Variants in GRIA4 observed in about 807,000 individuals in gnomAD.
The protein encoded by GRIA4 is glutamate ionotropic receptor AMPA type subunit 4.
GRIA4 carries 34 observed loss-of-function variants against 104.0 expected under a neutral mutation model. That is an observed-to-expected ratio of 0.33 (90% CI 0.25 to 0.44). The LOEUF is 0.44. GRIA4 is among the 20% of genes least tolerant of loss of function. The pLI is 1.00. For missense variants in GRIA4, 750 were observed against 1,096.5 expected (o/e 0.68, Z 4.46); for synonymous variants, 386 against 381.9 (o/e 1.01, Z -0.13).
intron 14 of GRIA4, chr11:105,965,852 G>A (rs377262269): frequency 1.6e-5 from 14 of 875,292 alleles, no homozygotes; most frequent in African/African-American, 1.2e-4. Flanking sequence ...TTTATTTAGC[G>A]TCTGGGAGAA....
intron 4 of GRIA4, among the ~76,000 whole-genome samples, chr11:105,781,197 C>A (rs1174751600): frequency 2.0e-5 from 3 of 152,164 alleles, no homozygotes; most frequent in African/African-American, 7.2e-5. Flanking sequence ...TGCCACAAAA[C>A]CCTTTGAAAA....
chr11:105,638,662 T>C (rs1951275508), intron 3 of GRIA4, among the ~76,000 whole-genome samples: 1 of 152,112 alleles, frequency 6.6e-6, no homozygotes, highest in Admixed American at 6.6e-5. Context: ...AAAATCACTA[T>C]TCTCCATTTA....
intron 4 of GRIA4, among the ~76,000 whole-genome samples, chr11:105,804,356 A>G (rs953405200): frequency 2.0e-5 from 3 of 147,246 alleles, no homozygotes; most frequent in Admixed American, 1.4e-4. Flanking sequence ...ACACACATGC[A>G]CACACACACA....
chr11:105,966,948 C>G (rs1240425260), intron 14 of GRIA4, among the ~76,000 whole-genome samples: 1 of 152,110 alleles, frequency 6.6e-6, no homozygotes, highest in Non-Finnish European at 1.5e-5. Context: ...ATTCTAGGCA[C>G]TGTCTTAAGG....
intron 4 of GRIA4, among the ~76,000 whole-genome samples, chr11:105,824,194 A>G (rs960044660): frequency 2.6e-5 from 4 of 152,066 alleles, no homozygotes; most frequent in African/African-American, 7.2e-5. Flanking sequence ...GTAGGCATAT[A>G]GTTTTAAAAG....
intron 3 of GRIA4, among the ~76,000 whole-genome samples, chr11:105,730,407 T>C (rs987382073): frequency 6.6e-6 from 1 of 152,206 alleles, no homozygotes; most frequent in African/African-American, 2.4e-5. Context: ...AAACATTCCA[T>C]GCTCATGGAT....
intron 4 of GRIA4, among the ~76,000 whole-genome samples, chr11:105,841,835 C>T (rs1055842204): frequency 1.2e-4 from 19 of 152,120 alleles, no homozygotes; most frequent in African/African-American, 4.6e-4. Flanking sequence ...TTATTCTCCC[C>T]ATAAGAAGCT....
intron 7 of GRIA4, among the ~76,000 whole-genome samples, chr11:105,902,434 G>A (rs1591423236): frequency 2.0e-5 from 3 of 151,558 alleles, no homozygotes; most frequent in South Asian, 4.2e-4. Context: ...GGGCTCAAGC[G>A]ATCCTCCTCC....
At position 105,910,511 on chromosome 11, in the gene GRIA4, T is replaced by C. The variant is rs748080331; in HGVS notation, c.1235T>C (p.Ile412Thr). The C allele has an allele frequency of 5.0e-6, 8 of 1,584,838 alleles. No homozygotes were observed. Among genetic ancestry groups the C allele is most frequent in the South Asian group, 3.3e-5 (3 of 90,542 alleles). ...ACTCTTGGCAATGACACAGCTGCTATTGAGAACAGAACAGTGGTTGTAACC... is the reference window on the plus strand; with the variant it reads ...ACTCTTGGCAATGACACAGCTGCTACTGAGAACAGAACAGTGGTTGTAACC... The part of the protein sequence containing the change: ...VPTLGNDTAA[I>T]ENRTVVVTTI... The change falls in exon 10 of 17, where the codon ATT becomes ACT. Residue 412 changes from isoleucine (I) to threonine (T), a missense_variant. Physicochemically the swap from Ile to Thr is moderately conservative, Grantham distance 89. Coordinates refer to ENST00000282499, the MANE Select transcript of GRIA4 (RefSeq NM_000829.4).
chr11:105,961,585 T>G (rs1181980838), intron 14 of GRIA4, among the ~76,000 whole-genome samples: 1 of 152,204 alleles, frequency 6.6e-6, no homozygotes, highest in East Asian at 1.9e-4. Context: ...TTCAGATTTT[T>G]TTGGATTTTT....
intron 4 of GRIA4, among the ~76,000 whole-genome samples, chr11:105,844,354 C>T (rs1221404915): frequency 6.6e-6 from 1 of 152,204 alleles, no homozygotes; most frequent in Non-Finnish European, 1.5e-5. Flanking sequence ...TTCTTTTCTA[C>T]TCCACTCTGA....
chr11:105,923,747 T>G (rs578067476), intron 11 of GRIA4, among the ~76,000 whole-genome samples: 1 of 152,304 alleles, frequency 6.6e-6, no homozygotes, highest in South Asian at 2.1e-4. Flanking sequence ...TCAAAATCTT[T>G]TTTTAAATGA....
chr11:105,888,228 T>A (rs992168125), intron 6 of GRIA4, among the ~76,000 whole-genome samples: 3 of 147,834 alleles, frequency 2.0e-5, no homozygotes, highest in Non-Finnish European at 4.5e-5. Context: ...AAGGGCCTGA[T>A]TCCCAAAGTG....
At chr11:105,941,954 T>TA (rs1274501777) in intron 14 of GRIA4, among the ~76,000 whole-genome samples, 38 of 152,272 alleles carry the variant, frequency 2.5e-4, no homozygotes, top group African/African-American at 8.7e-4. Flanking sequence ...ATCAGCTCCC[T>TA]AGTCCCTAAA....
intron 3 of GRIA4, among the ~76,000 whole-genome samples, chr11:105,646,364 T>C (rs779954551): frequency 5.3e-5 from 8 of 152,136 alleles, no homozygotes; most frequent in Non-Finnish European, 1.0e-4. Context: ...AGGTCTAGAA[T>C]GGAGGATTGC....
intron 3 of GRIA4, among the ~76,000 whole-genome samples, chr11:105,719,330 C>G (rs887095179): frequency 1.3e-5 from 2 of 152,094 alleles, no homozygotes; most frequent in African/African-American, 4.8e-5. Context: ...AGTTGTCCCA[C>G]GAGCGGCTGG....
At chr11:105,927,652 T>A (rs908403057) in intron 13 of GRIA4, among the ~76,000 whole-genome samples, 2 of 151,860 alleles carry the variant, frequency 1.3e-5, no homozygotes, top group African/African-American at 2.4e-5. Context: ...ACAATAGAGG[T>A]TTTTATTTTA....
At chr11:105,889,774 T>A (rs1450011078) in intron 6 of GRIA4, among the ~76,000 whole-genome samples, 1 of 152,130 alleles carries the variant, frequency 6.6e-6, no homozygotes, top group East Asian at 1.9e-4. Context: ...ATAAAAATAC[T>A]AAGGAATCAA....
intron 3 of GRIA4, among the ~76,000 whole-genome samples, chr11:105,655,539 C>T (rs1951818430): frequency 6.6e-6 from 1 of 152,036 alleles, no homozygotes. Context: ...CTCCCTGTGT[C>T]CATGTGTTCT....
Sources: allele counts gnomAD v4.1 joint callset (sites outside exome capture counted in the v4.1 genomes callset), GRCh38; gene constraint gnomAD v4.1.1; transcripts MANE v1.5; gene names NCBI Gene and HGNC (gene_info 2026-07-23, HGNC 2026-07-21).